The following CSMD2 variants were observed in gnomAD, a reference collection of about 807,000 sequenced individuals.
CSMD2 encodes CUB and sushi domain-containing protein 2.
In CSMD2, 130 loss-of-function variants were observed where a neutral mutation model predicts 398.5. That is an observed-to-expected ratio of 0.33 (90% CI 0.28 to 0.38). CSMD2 has a LOEUF of 0.38. Among genes scored for constraint, CSMD2 ranks in the 10% least tolerant of loss-of-function variants. The pLI is 1.00. For missense variants in CSMD2, 3,829 were observed against 4,764.9 expected (o/e 0.80, Z 5.78); for synonymous variants, 1,828 against 1,908.5 (o/e 0.96, Z 1.10).
intron 62 of CSMD2, among the ~76,000 whole-genome samples, chr1:33,535,318 T>G (rs1323693881): frequency 1.3e-5 from 2 of 152,198 alleles, no homozygotes; most frequent in Non-Finnish European, 2.9e-5. Context: ...GTCTTGAAAT[T>G]TGTGTTAATT....
intron 14 of CSMD2, among the ~76,000 whole-genome samples, chr1:33,742,589 C>CCA (rs1557825048): frequency 4.9e-5 from 7 of 141,922 alleles, no homozygotes; most frequent in Non-Finnish European, 7.7e-5. Flanking sequence ...CCCCCCCCCC[C>CCA]CAACCCCCTC....
intron 3 of CSMD2, among the ~76,000 whole-genome samples, chr1:33,951,177 G>A (rs1196644075): frequency 6.6e-6 from 1 of 152,218 alleles, no homozygotes; most frequent in Non-Finnish European, 1.5e-5. Flanking sequence ...GAGAGGCTGC[G>A]GAAGCCAGCC....
At chr1:33,821,463 C>A (rs1658141820) in intron 7 of CSMD2, among the ~76,000 whole-genome samples, 1 of 152,188 alleles carries the variant, frequency 6.6e-6, no homozygotes, top group African/African-American at 2.4e-5. Flanking sequence ...AGGAGTTCCA[C>A]TCAAAGCCTC....
At chr1:33,843,410 C>A (rs1159801348) in intron 6 of CSMD2, among the ~76,000 whole-genome samples, 2 of 152,164 alleles carry the variant, frequency 1.3e-5, no homozygotes, top group Non-Finnish European at 2.9e-5. Context: ...AAGTTTACTT[C>A]TTTTTGTTTA....
chr1:34,021,474 C>CA (rs1318909118), intron 3 of CSMD2, among the ~76,000 whole-genome samples: 1 of 152,152 alleles, frequency 6.6e-6, no homozygotes, highest in African/African-American at 2.4e-5. Context: ...TTCTTCGGTA[C>CA]CAAGGGATCC....
At position 33,559,854 on chromosome 1, in the gene CSMD2, A is replaced by C. The variant is rs1658383915; in HGVS notation, c.8381-381T>G. Among the ~76,000 whole-genome samples the C allele has an allele frequency of 6.6e-6, 1 of 152,146 alleles. No homozygotes were observed. The highest frequency in any genetic ancestry group is 6.5e-5 in the Admixed American group (1 of 15,282). ...GCCAACTGTCAGCTGGTTTAGGCCCATCCTCATTCCTGAGCCAACCTTGTA... is the reference window on the plus strand; with the variant it reads ...GCCAACTGTCAGCTGGTTTAGGCCCCTCCTCATTCCTGAGCCAACCTTGTA... On this transcript the variant is annotated intron_variant, in intron 53 of 70. Transcript: ENST00000373381. This position sits in a 1 kb window ranked among gnomAD's most constrained non-coding sequence, Gnocchi z 4.0.
At chr1:33,828,808 A>G (rs1659124261) in intron 6 of CSMD2, among the ~76,000 whole-genome samples, 1 of 152,104 alleles carries the variant, frequency 6.6e-6, no homozygotes, top group Non-Finnish European at 1.5e-5. Flanking sequence ...AGACTGCCTA[A>G]CCTAATGGAT....
At chr1:33,739,654 CT>C (rs1379678310) in intron 14 of CSMD2, among the ~76,000 whole-genome samples, 2 of 152,214 alleles carry the variant, frequency 1.3e-5, no homozygotes, top group Non-Finnish European at 2.9e-5. Context: ...TGTTACCCTA[CT>C]TTACAAATGA....
At chr1:33,967,815 C>A (rs746240792) in intron 3 of CSMD2, among the ~76,000 whole-genome samples, 1 of 152,146 alleles carries the variant, frequency 6.6e-6, no homozygotes, top group Non-Finnish European at 1.5e-5. Flanking sequence ...GAAGAAGAAC[C>A]TCCACGGGGC....
chr1:33,795,076 A>T (rs1297710119), intron 10 of CSMD2, among the ~76,000 whole-genome samples: 3 of 131,834 alleles, frequency 2.3e-5, no homozygotes, highest in Non-Finnish European at 4.9e-5. Flanking sequence ...CGGGATGTGG[A>T]CCTGTAGCAA....
intron 1 of CSMD2, among the ~76,000 whole-genome samples, chr1:34,129,231 T>C (rs1363589585): frequency 1.3e-5 from 2 of 152,212 alleles, no homozygotes; most frequent in African/African-American, 4.8e-5. Context: ...TAAAGCAGTG[T>C]ACCTGTCTTG....
Position 33,636,976 on chromosome 1 carries a change from T to C in CSMD2, c.4775-422A>G, listed in dbSNP as rs533295365. ...AGTGCTTAGGTACAGCCCATCACTT[T>C]ACTCATCTTTGACCCCCCACACTCA... is the stretch of plus-strand genomic sequence containing the variant. On this transcript the variant is annotated intron_variant, in intron 29 of 70. Coordinates refer to ENST00000373381, the MANE Select transcript of CSMD2 (RefSeq NM_001281956.2). The surrounding 1 kb of genome is among the most constrained non-coding windows in gnomAD (Gnocchi z 4.8). Among the ~76,000 whole-genome samples the C allele has an allele frequency of 3.9e-5, 6 of 152,344 alleles. No individual in the cohort carries two copies. The South Asian group carries it at 1.2e-3, about 32-fold the overall frequency.
chr1:34,154,390 T>C (rs918003967), intron 1 of CSMD2, among the ~76,000 whole-genome samples: 2 of 152,192 alleles, frequency 1.3e-5, no homozygotes, highest in African/African-American at 4.8e-5. Flanking sequence ...TTCCATCATA[T>C]AGTCCAGAAC....
chr1:34,034,516 CG>C (rs1650870316), intron 2 of CSMD2, among the ~76,000 whole-genome samples: 1 of 152,094 alleles, frequency 6.6e-6, no homozygotes, highest in Non-Finnish European at 1.5e-5. Flanking sequence ...AAAATGATAT[CG>C]CCAGATAGAT....
At chr1:33,920,277 C>T (rs1394288751) in intron 4 of CSMD2, among the ~76,000 whole-genome samples, 1 of 151,838 alleles carries the variant, frequency 6.6e-6, no homozygotes. Context: ...GCCTGTAATC[C>T]CAGCAATTTG....
intron 10 of CSMD2, among the ~76,000 whole-genome samples, chr1:33,796,294 CTGTTG>C (rs563295122): frequency 2.2e-4 from 33 of 152,330 alleles, no homozygotes; most frequent in Middle Eastern, 3.4e-3. Context: ...AAATGCAGCA[CTGTTG>C]TGGGAAGTCA....
intron 3 of CSMD2, among the ~76,000 whole-genome samples, chr1:34,017,164 G>A (rs1648246229): frequency 6.6e-6 from 1 of 152,112 alleles, no homozygotes; most frequent in South Asian, 2.1e-4. Flanking sequence ...CAGAAATGAG[G>A]AACTCATTAC....
In CSMD2 at chr1:33,712,327, C is replaced by A. The variant is rs183799250; in HGVS notation, c.3406+2260G>T. Among the ~76,000 whole-genome samples, 502 of 152,142 alleles carry A rather than the reference C, an allele frequency of 3.3e-3. 3 individuals carry two copies. Among genetic ancestry groups the A allele is most frequent in the African/African-American group, 0.012 (479 of 41,506 alleles). The stretch of plus-strand genomic sequence containing the variant: ...TCAGGGGCTATGTCACCTCCCTCCC[C>A]GCCACCCACGTCACACCATGCATTA... On this transcript the variant is annotated intron_variant, in intron 21 of 70. Coordinates refer to ENST00000373381, the MANE Select transcript of CSMD2 (RefSeq NM_001281956.2).
chr1:33,811,281 T>C (rs560206716), intron 9 of CSMD2, among the ~76,000 whole-genome samples: 39 of 152,230 alleles, frequency 2.6e-4, no homozygotes, highest in African/African-American at 8.7e-4. Flanking sequence ...TGTTTCCCAA[T>C]TTGCACTCCA....
Sources: allele counts gnomAD v4.1 joint callset (sites outside exome capture counted in the v4.1 genomes callset), GRCh38; gene constraint gnomAD v4.1.1; non-coding constraint Gnocchi (gnomAD v3.1); transcripts MANE v1.5; gene names NCBI Gene and HGNC (gene_info 2026-07-23, HGNC 2026-07-21).